ALDH1A1: variants seen among roughly 807,000 people sequenced by gnomAD.
The protein encoded by ALDH1A1 is aldehyde dehydrogenase 1A1.
Under a neutral mutation model 62.1 loss-of-function variants are expected in ALDH1A1, and 19 were observed. The ratio of observed to expected loss-of-function variants is 0.31; its 90% CI spans 0.21 to 0.45. The LOEUF (loss-of-function observed/expected upper bound fraction) is 0.45. Ranked by LOEUF, ALDH1A1 falls within the 20% of genes least tolerant of loss-of-function variation. ALDH1A1 has a pLI of 1.00. For missense variants in ALDH1A1, 521 were observed against 607.1 expected (o/e 0.86, Z 1.49); for synonymous variants, 231 against 215.9 (o/e 1.07, Z -0.61).
rs755582377 is a variant in ALDH1A1, at chr9:72,952,935, C to T, written c.66G>A (p.Lys22=). Residue 22 remains lysine, a splice_region_variant and synonymous_variant, in exon 1 of 13, where the codon AAG becomes AAA. Coordinates refer to ENST00000297785, the MANE Select transcript of ALDH1A1 (RefSeq NM_000689.5). ...LLTDLKIQYT[K]IFINNEWHDS... is the part of the protein sequence containing the mutation. The stretch of plus-strand genomic sequence containing the variant: ...AGCAGAAAATAGAAGTTTTACTCAC[C>T]TTAGTATATTGAATCTTCAAATCGG... The T allele has an allele frequency of 1.6e-5, 25 of 1,612,512 alleles. No homozygotes were observed. Among genetic ancestry groups the T allele is most frequent in the Non-Finnish European group, 2.0e-5 (23 of 1,179,122 alleles).
At chr9:72,925,637 A>T (rs2118532820) in intron 5 of ALDH1A1, 25 bp from the exon 6 acceptor site, 1 of 1,606,786 alleles carries the variant, frequency 6.2e-7, no homozygotes, top group African/African-American at 1.3e-5. Flanking sequence ...GTAACAATAG[A>T]TTCTTTGTAT....
intron 3 of ALDH1A1, among the ~76,000 whole-genome samples, chr9:72,930,657 G>T (rs1447692382): frequency 6.6e-6 from 1 of 152,124 alleles, no homozygotes; most frequent in East Asian, 1.9e-4. Context: ...TTAGACCGTA[G>T]AATCTATTAT....
intron 1 of ALDH1A1, among the ~76,000 whole-genome samples, chr9:72,943,928 G>A (rs781641622): frequency 6.6e-6 from 1 of 151,966 alleles, no homozygotes; most frequent in Non-Finnish European, 1.5e-5. Flanking sequence ...TTGAAGGATG[G>A]AACTGGATTG....
chr9:72,907,034 A>G (rs1829885721), intron 11 of ALDH1A1, among the ~76,000 whole-genome samples: 1 of 152,156 alleles, frequency 6.6e-6, no homozygotes, highest in Admixed American at 6.6e-5. Context: ...GCTTCCAGAT[A>G]AATTGTATTA....
At chr9:72,920,148 C>T (rs1031510054) in intron 7 of ALDH1A1, among the ~76,000 whole-genome samples, 8 of 152,032 alleles carry the variant, frequency 5.3e-5, no homozygotes, top group East Asian at 1.9e-4. Flanking sequence ...ATAGATGTTT[C>T]GTGAGTGTAT....
chr9:72,907,114 T>C (rs543767884), intron 11 of ALDH1A1, among the ~76,000 whole-genome samples: 2 of 152,342 alleles, frequency 1.3e-5, no homozygotes, highest in East Asian at 1.9e-4. Context: ...TAAAACACTA[T>C]CCCAGTTCCC....
At chr9:72,912,296 T>G (rs1052448870) in intron 9 of ALDH1A1, among the ~76,000 whole-genome samples, 174 bp from the exon 10 acceptor site, 1 of 152,226 alleles carries the variant, frequency 6.6e-6, no homozygotes, top group Non-Finnish European at 1.5e-5. Context: ...TTTCTTCTCA[T>G]GACTTTTAGG....
intron 2 of ALDH1A1, among the ~76,000 whole-genome samples, chr9:72,938,361 C>G (rs904551407): frequency 2.0e-5 from 3 of 152,126 alleles, no homozygotes; most frequent in African/African-American, 7.2e-5. Flanking sequence ...GAAACACTTA[C>G]GTGTTCAGAA....
chr9:72,944,093 C>A (rs1245346629), intron 1 of ALDH1A1, among the ~76,000 whole-genome samples: 1 of 151,988 alleles, frequency 6.6e-6, no homozygotes, highest in Non-Finnish European at 1.5e-5. Context: ...TGTGGCAGAT[C>A]CTGATCCCCA....
At chr9:72,926,513 C>A (rs1477036191) in intron 5 of ALDH1A1, among the ~76,000 whole-genome samples, 1 of 152,164 alleles carries the variant, frequency 6.6e-6, no homozygotes, top group Non-Finnish European at 1.5e-5. Context: ...CTTAAAAAAT[C>A]TTCACAATCC....
chr9:72,918,542 A>T (rs1327107280), intron 8 of ALDH1A1, among the ~76,000 whole-genome samples, 178 bp downstream of exon 8: 1 of 151,292 alleles, frequency 6.6e-6, no homozygotes, highest in Non-Finnish European at 1.5e-5. Context: ...ATGTGTTATA[A>T]CTTTAGGATG....
In ALDH1A1 at chr9:72,918,872, C is replaced by G. The variant is rs750725759; in HGVS notation, c.748-50G>C. 2 of 1,377,166 alleles carry G rather than the reference C, an allele frequency of 1.5e-6. 1 individual carries two copies. The highest frequency in any genetic ancestry group is 2.1e-6 in the Non-Finnish European group (2 of 974,424). 85.3% of individuals were successfully genotyped at this position (1,377,166 alleles called of 1,614,324 possible). The stretch of plus-strand genomic sequence containing the variant: ...GAGGCTTACCCTGCTCTCATGAACA[C>G]AGGTTGCTTTAGCATTCTAAATTTA... On this transcript the variant is annotated intron_variant, in intron 7 of 12. Transcript: ENST00000297785.
intron 1 of ALDH1A1, among the ~76,000 whole-genome samples, chr9:72,948,342 C>A (rs1326791110): frequency 6.6e-6 from 1 of 151,910 alleles, no homozygotes; most frequent in Non-Finnish European, 1.5e-5. Flanking sequence ...AACATAAGTC[C>A]TTTCCTGTTT....
chr9:72,908,207 G>A (rs1258316656), intron 11 of ALDH1A1, among the ~76,000 whole-genome samples: 1 of 151,834 alleles, frequency 6.6e-6, no homozygotes, highest in Non-Finnish European at 1.5e-5. Flanking sequence ...ATCACTTGAG[G>A]TCAGGAGTTC....
At chr9:72,904,278 A>T (rs1190591292) in intron 12 of ALDH1A1, among the ~76,000 whole-genome samples, 1 of 152,142 alleles carries the variant, frequency 6.6e-6, no homozygotes, top group Admixed American at 6.6e-5. Flanking sequence ...CTTCAGCAAC[A>T]TCCTAAATAT....
At chr9:72,928,564 T>C (rs8187923) in intron 4 of ALDH1A1, among the ~76,000 whole-genome samples, 1,744 of 152,250 alleles carry the variant, frequency 0.011, 30 homozygotes, top group African/African-American at 0.038. Flanking sequence ...AAATAAATAA[T>C]TTCAGAGGTC....
chr9:72,950,235 T>C (rs1426776053), intron 1 of ALDH1A1, among the ~76,000 whole-genome samples: 1 of 151,882 alleles, frequency 6.6e-6, no homozygotes, highest in Admixed American at 6.6e-5. Context: ...AATACGTGCC[T>C]TTATCATCCC....
intron 3 of ALDH1A1, 136 bp downstream of exon 3, chr9:72,930,743 T>C (rs973522326): frequency 9.3e-6 from 9 of 963,450 alleles, no homozygotes; most frequent in Non-Finnish European, 1.4e-5. Flanking sequence ...AAGGGGCCTA[T>C]TCATTGGGAC....
At chr9:72,908,619 GA>G (rs1564622952) in intron 11 of ALDH1A1, among the ~76,000 whole-genome samples, 6 of 103,754 alleles carry the variant, frequency 5.8e-5, no homozygotes, top group Admixed American at 5.1e-4. Context: ...AAGAAAGAAA[GA>G]AAGAAAGAGA....
Sources: gnomAD v4.1 joint callset for allele counts (sites outside exome capture counted in the v4.1 genomes callset) on GRCh38, gnomAD v4.1.1 for gene constraint, MANE v1.5 for transcripts, NCBI Gene and HGNC (gene_info 2026-07-23, HGNC 2026-07-21) for gene names.